Variants in PCDH15 observed in about 807,000 individuals in gnomAD.
The protein encoded by PCDH15 is protocadherin-15.
Under a neutral mutation model 178.5 loss-of-function variants are expected in PCDH15, and 129 were observed. The observed-to-expected ratio is 0.72, with a 90% CI of 0.63 to 0.84. PCDH15 has a LOEUF of 0.84. Ranked by LOEUF, PCDH15 falls within the 40% of genes least tolerant of loss-of-function variation. PCDH15 has a pLI of 0.00. For missense variants in PCDH15, 2,230 were observed against 2,099.9 expected, an observed-to-expected ratio of 1.06 and a Z score of -1.21; for synonymous variants, 800 against 732.0, an observed-to-expected ratio of 1.09 and a Z score of -1.50.
intron 8 of PCDH15, among the ~76,000 whole-genome samples, chr10:54,245,857 G>A (rs2055866926): frequency 6.6e-6 from 1 of 151,934 alleles, no homozygotes; most frequent in Non-Finnish European, 1.5e-5. Flanking sequence ...GAGATGTGTT[G>A]AGAAGGATAT....
chr10:54,074,890 T>C (rs2094312027), intron 17 of PCDH15, among the ~76,000 whole-genome samples: 1 of 152,160 alleles, frequency 6.6e-6, no homozygotes, highest in Non-Finnish European at 1.5e-5. Context: ...TGTTTTCTGT[T>C]TGTTTTTTAT....
rs545935773 is a variant in PCDH15 at position 53,972,046 on chromosome 10, T to A, written c.2869-10154A>T. 2.6e-5 allele frequency among the ~76,000 whole-genome samples: 4 copies of A among 151,954 alleles called. No individual in the cohort carries two copies. In the South Asian group the frequency reaches 6.2e-4, roughly 24 times the overall value. ...ACCTGACTTCAAACTATACTACAAG[T>A]CTACAGTAACCAAAAACAGCATGAT... is the stretch of plus-strand genomic sequence containing the variant. On this transcript the variant is annotated intron_variant, in intron 21 of 37. Transcript: ENST00000644397.
At chr10:54,811,695 T>G (rs1952866230) in intron 3 of PCDH15, among the ~76,000 whole-genome samples, 1 of 152,126 alleles carries the variant, frequency 6.6e-6, no homozygotes, top group South Asian at 2.1e-4. Context: ...GGTCTCGATC[T>G]CCTGACCTTG....
At chr10:54,467,970 C>T (rs1449856148) in intron 3 of PCDH15, among the ~76,000 whole-genome samples, 14 of 151,802 alleles carry the variant, frequency 9.2e-5, no homozygotes, top group Admixed American at 3.9e-4. Context: ...TATTCGTAAT[C>T]GTCTCTGGTG....
At chr10:55,197,047 C>T (rs1236665262) in intron 1 of PCDH15, among the ~76,000 whole-genome samples, 1 of 151,936 alleles carries the variant, frequency 6.6e-6, no homozygotes, top group Non-Finnish European at 1.5e-5. Flanking sequence ...AAAATGCTCA[C>T]CACTTCTTTT....
chr10:55,076,044 T>C (rs1439269376), intron 2 of PCDH15, among the ~76,000 whole-genome samples: 1 of 152,208 alleles, frequency 6.6e-6, no homozygotes, highest in Non-Finnish European at 1.5e-5. Flanking sequence ...TTATACAGTT[T>C]CCAAGGTTTT....
intron 2 of PCDH15, among the ~76,000 whole-genome samples, chr10:55,035,134 G>C (rs1369445990): frequency 2.0e-5 from 3 of 151,560 alleles, no homozygotes; most frequent in Admixed American, 1.3e-4. Flanking sequence ...TAATGATCAA[G>C]GTATGTAATC....
upstream of PCDH15, among the ~76,000 whole-genome samples, chr10:54,804,948 T>TATATATATATATATATATATATACAC (rs905516559): frequency 1.6e-5 from 2 of 127,244 alleles, no homozygotes; most frequent in South Asian, 2.5e-4. Flanking sequence ...TATATATATA[T>TATATATATATATATATATATATACAC]ACAGAGTTTG....
chr10:54,115,245 C>T (rs1422013654), intron 15 of PCDH15, among the ~76,000 whole-genome samples: 1 of 152,026 alleles, frequency 6.6e-6, no homozygotes, highest in South Asian at 2.1e-4. Flanking sequence ...AGGGTTTTGG[C>T]CCAAGAATTT....
intron 2 of PCDH15, among the ~76,000 whole-genome samples, chr10:54,915,026 C>T (rs920733701): frequency 1.3e-5 from 2 of 152,236 alleles, no homozygotes; most frequent in Admixed American, 6.5e-5. Flanking sequence ...TTTAGACATA[C>T]GATACAGGTC....
At chr10:54,099,282 C>T (rs79071478) in intron 15 of PCDH15, among the ~76,000 whole-genome samples, 37 of 151,952 alleles carry the variant, frequency 2.4e-4, no homozygotes, top group African/African-American at 6.8e-4. Flanking sequence ...AGGCAGATCA[C>T]GAGGTCGGGA....
At chr10:54,829,192 T>G (rs1487910874) in intron 3 of PCDH15, among the ~76,000 whole-genome samples, 2 of 151,962 alleles carry the variant, frequency 1.3e-5, no homozygotes. Flanking sequence ...CTGCCTCTTC[T>G]GTAGTGAAGA....
intron 7 of PCDH15, among the ~76,000 whole-genome samples, chr10:54,326,646 A>C (rs1447241606): frequency 6.6e-6 from 1 of 152,168 alleles, no homozygotes; most frequent in East Asian, 1.9e-4. Flanking sequence ...TCACACAGCC[A>C]GTAAATGGCT....
chr10:54,013,816 A>G (rs1025105629), intron 20 of PCDH15, among the ~76,000 whole-genome samples: 3 of 152,154 alleles, frequency 2.0e-5, no homozygotes, highest in African/African-American at 7.2e-5. Flanking sequence ...AGGATATCAA[A>G]TGAACAATCT....
intron 2 of PCDH15, among the ~76,000 whole-genome samples, chr10:55,075,053 T>C (rs1564774486): frequency 6.6e-6 from 1 of 152,150 alleles, no homozygotes; most frequent in Non-Finnish European, 1.5e-5. Flanking sequence ...CTGAGTTCTC[T>C]ATTCTGTTCC....
chr10:55,242,719 T>C (rs1841582932), intron 1 of PCDH15, among the ~76,000 whole-genome samples: 1 of 152,032 alleles, frequency 6.6e-6, no homozygotes, highest in African/African-American at 2.4e-5. Context: ...GGCATTGTGA[T>C]GCATGCCTGT....
chr10:53,831,661 T>C (rs1588990451), intron 29 of PCDH15, 128 bp from the exon 30 acceptor site: 2 of 680,618 alleles, frequency 2.9e-6, no homozygotes, highest in East Asian at 5.4e-5. Context: ...AGAAGTCTCA[T>C]GAATAATAAG....
chr10:55,552,162 T>A (rs1265991057), intron 2 of PCDH15, among the ~76,000 whole-genome samples: 1 of 151,716 alleles, frequency 6.6e-6, no homozygotes, highest in East Asian at 1.9e-4. Context: ...AAATAAAATA[T>A]TGCCTTCTGG....
chr10:54,570,817 A>AATTTTTTTT (rs571170500), intron 2 of PCDH15, among the ~76,000 whole-genome samples: 2 of 9,972 alleles, frequency 2.0e-4, no homozygotes, highest in Non-Finnish European at 2.2e-4. Context: ...ACGCCTGGCT[A>AATTTTTTTT]TTTTTTTTTT....
Sources: allele counts gnomAD v4.1 joint callset (sites outside exome capture counted in the v4.1 genomes callset), GRCh38; gene constraint gnomAD v4.1.1; transcripts MANE v1.5; gene names NCBI Gene and HGNC (gene_info 2026-07-23, HGNC 2026-07-21).